ADORA2B: variants seen among roughly 807,000 people sequenced by gnomAD.
ADORA2B encodes adenosine receptor A2b.
In ADORA2B, 18 loss-of-function variants were observed where a neutral mutation model predicts 20.8. The observed-to-expected ratio is 0.87, with a 90% CI of 0.60 to 1.29. The LOEUF is 1.29. ADORA2B is among the 50% of genes most tolerant of loss of function. The pLI is 0.00. For synonymous variants in ADORA2B, 179 were observed against 178.3 expected, an observed-to-expected ratio of 1.00 and a Z score of -0.03; for missense variants, 441 against 422.7, an observed-to-expected ratio of 1.04 and a Z score of -0.38.
At chr17:15,879,275 ACCT>A in the ADORA2B span, among the ~76,000 whole-genome samples, 7 of 151,824 alleles carry the variant, frequency 4.6e-5, no homozygotes, top group Non-Finnish European at 1.0e-4. Context: ...ACATAGCAAG[ACCT>A]CCTCTTACAA....
the ADORA2B span, among the ~76,000 whole-genome samples, chr17:15,898,874 C>T: frequency 7.2e-5 from 11 of 152,270 alleles, no homozygotes; most frequent in Admixed American, 7.2e-4. Flanking sequence ...CTTATTCCAA[C>T]AACGAAATAG....
chr17:15,874,097 C>T, the ADORA2B span, among the ~76,000 whole-genome samples: 1 of 132,826 alleles, frequency 7.5e-6, no homozygotes, highest in African/African-American at 3.5e-5. Context: ...TATATGTATA[C>T]ACACACACAC....
chr17:15,916,055 G>T, the ADORA2B span, among the ~76,000 whole-genome samples: 1 of 152,232 alleles, frequency 6.6e-6, no homozygotes, highest in Non-Finnish European at 1.5e-5. Flanking sequence ...TCACTAACCA[G>T]TCAGCAGTCG....
At chr17:15,965,749 C>G (rs1203632741) in intron 1 of ADORA2B, among the ~76,000 whole-genome samples, 4 of 152,262 alleles carry the variant, frequency 2.6e-5, no homozygotes, top group Non-Finnish European at 4.4e-5. Context: ...GCTGGCACTC[C>G]CGTAGAAAGC....
the ADORA2B span, among the ~76,000 whole-genome samples, chr17:15,938,261 C>G: frequency 2.0e-5 from 3 of 152,106 alleles, no homozygotes; most frequent in Non-Finnish European, 4.4e-5. Flanking sequence ...AGAGATTTAT[C>G]AAATTTTTTC....
chr17:15,975,013 A>T lies in ADORA2B; in HGVS notation c.670A>T (p.Thr224Ser). 1 of 1,614,082 alleles carries T rather than the reference A, an allele frequency of 6.2e-7. No individual in the cohort carries two copies. ...CACTGAGCTGATGGACCACTCGAGG[A>T]CCACCCTCCAGCGGGAGATCCATGC... is the stretch of plus-strand genomic sequence containing the variant. ...QRTELMDHSR[T>S]TLQREIHAAK... The change falls in exon 2 of 2, where the codon ACC becomes TCC. Residue 224 changes from threonine to serine, a missense_variant. Transcript: ENST00000304222.
chr17:15,974,990 C>T lies in ADORA2B; in HGVS notation c.647C>T (p.Thr216Ile). ...GTGGCCTGCAGGCAGCTTCAGCGCA[C>T]TGAGCTGATGGACCACTCGAGGACC... The part of the protein sequence containing the change: ...FLVACRQLQR[T>I]ELMDHSRTTL... The change falls in exon 2 of 2, where the codon ACT (threonine) becomes ATT (isoleucine). Residue 216 changes from threonine to isoleucine, a missense_variant. Coordinates refer to ENST00000304222, the MANE Select transcript of ADORA2B (RefSeq NM_000676.4). 6.2e-7 allele frequency: 1 copy of T among 1,614,162 alleles called. No homozygotes were observed. The highest frequency in any genetic ancestry group is 1.3e-5 in the African/African-American group (1 of 75,028).
At chr17:15,948,463 G>A (rs945413109) in intron 1 of ADORA2B, among the ~76,000 whole-genome samples, 1 of 128,566 alleles carries the variant, frequency 7.8e-6, no homozygotes, top group African/African-American at 2.7e-5. Flanking sequence ...GGCTGGGGGA[G>A]GTGGACGTGT....
At chr17:15,957,728 G>A (rs1002852900) in intron 1 of ADORA2B, among the ~76,000 whole-genome samples, 9 of 152,020 alleles carry the variant, frequency 5.9e-5, no homozygotes, top group African/African-American at 1.7e-4. Flanking sequence ...GCCCTGGACC[G>A]TTCATTATTC....
chr17:15,909,864 T>C, the ADORA2B span, among the ~76,000 whole-genome samples: 4 of 152,214 alleles, frequency 2.6e-5, no homozygotes. Context: ...CAAAAAGGAA[T>C]GCAGCTGCCC....
At chr17:15,949,416 G>A (rs1969864993) in intron 1 of ADORA2B, among the ~76,000 whole-genome samples, 1 of 152,038 alleles carries the variant, frequency 6.6e-6, no homozygotes, top group South Asian at 2.1e-4. Flanking sequence ...GGGAGGCTGA[G>A]GCAGGAGAAT....
At chr17:15,853,538 C>T in the ADORA2B span, among the ~76,000 whole-genome samples, 1 of 152,160 alleles carries the variant, frequency 6.6e-6, no homozygotes, top group Non-Finnish European at 1.5e-5. Flanking sequence ...GATTAGTGCT[C>T]TGTATAGTAC....
the ADORA2B span, among the ~76,000 whole-genome samples, chr17:15,865,191 T>G: frequency 6.6e-6 from 1 of 152,220 alleles, no homozygotes; most frequent in African/African-American, 2.4e-5. Context: ...GGTATAAGTT[T>G]AAGTTTTTTG....
the ADORA2B span, among the ~76,000 whole-genome samples, chr17:15,934,658 A>AT: frequency 2.6e-5 from 4 of 152,296 alleles, no homozygotes; most frequent in Admixed American, 1.3e-4. Flanking sequence ...ATATAATGAT[A>AT]TAAAAAAGCT....
the ADORA2B span, among the ~76,000 whole-genome samples, chr17:15,926,712 T>C: frequency 1.3e-5 from 2 of 152,198 alleles, no homozygotes; most frequent in African/African-American, 4.8e-5. Context: ...TTAACATTTC[T>C]AAACAGTTTT....
chr17:15,895,867 C>T, the ADORA2B span, among the ~76,000 whole-genome samples: 3 of 152,146 alleles, frequency 2.0e-5, no homozygotes, highest in Non-Finnish European at 4.4e-5. Context: ...GAACAAGAGA[C>T]AAGGCCCTGC....
intron 1 of ADORA2B, among the ~76,000 whole-genome samples, chr17:15,960,649 A>T (rs1970023240): frequency 2.7e-5 from 4 of 150,940 alleles, no homozygotes; most frequent in Non-Finnish European, 5.9e-5. Context: ...AGGCAGGCAG[A>T]TCATGAGGTC....
chr17:15,930,576 G>A, the ADORA2B span, among the ~76,000 whole-genome samples: 123 of 152,276 alleles, frequency 8.1e-4, no homozygotes, highest in African/African-American at 2.7e-3. Context: ...GATTACAGAC[G>A]TGAGCCACCG....
intron 1 of ADORA2B, among the ~76,000 whole-genome samples, chr17:15,973,653 A>C (rs1970213490): frequency 6.6e-6 from 1 of 152,130 alleles, no homozygotes; most frequent in African/African-American, 2.4e-5. Flanking sequence ...TGCGCTCCTT[A>C]TGAGAATCTA....
Sources: allele counts gnomAD v4.1 joint callset (sites outside exome capture counted in the v4.1 genomes callset), GRCh38; gene constraint gnomAD v4.1.1; transcripts MANE v1.5; gene names NCBI Gene and HGNC (gene_info 2026-07-23, HGNC 2026-07-21).